TGM2: variants seen among roughly 807,000 people sequenced by gnomAD.
TGM2 encodes protein-glutamine gamma-glutamyltransferase 2.
A neutral mutation model predicts 75.6 loss-of-function variants in TGM2; 53 were observed. The ratio of observed to expected loss-of-function variants is 0.70; its 90% confidence interval spans 0.56 to 0.88. The LOEUF is 0.88. Among genes scored for constraint, TGM2 ranks in the 40% least tolerant of loss-of-function variants. TGM2 has a pLI of 0.00. For missense variants in TGM2, 842 were observed against 928.5 expected, an observed-to-expected ratio of 0.91 and a Z score of 1.21; for synonymous variants, 374 against 381.1, an observed-to-expected ratio of 0.98 and a Z score of 0.22.
At chr20:38,148,910 C>T (rs1486567691) in intron 4 of TGM2, among the ~76,000 whole-genome samples, 2 of 152,296 alleles carry the variant, frequency 1.3e-5, no homozygotes, top group South Asian at 2.1e-4. Flanking sequence ...CTGCTCTTTT[C>T]CCCCCACTTC....
intron 6 of TGM2, chr20:38,145,994 A>C (rs1225993109): frequency 6.6e-6 from 1 of 152,088 alleles, no homozygotes; most frequent in African/African-American, 2.4e-5. Context: ...GGCTGGTCTC[A>C]AACTCCCGGC....
At position 38,130,164 on chromosome 20, in the gene TGM2, G is replaced by A; in HGVS notation, c.*55C>T. 6.2e-7 allele frequency: 1 copy of A among 1,608,644 alleles called. No individual in the cohort carries two copies. On this transcript the variant is annotated 3_prime_UTR_variant, in exon 13 of 13. Coordinates refer to ENST00000361475, the MANE Select transcript of TGM2 (RefSeq NM_004613.4). Reference sequence around the variant, plus strand: ...GGGGCATATTTTGCTCACTAGCTTGGGATAAGGATTGGGATCAAGGTGGGG... The same window carrying A: ...GGGGCATATTTTGCTCACTAGCTTGAGATAAGGATTGGGATCAAGGTGGGG...
intron 2 of TGM2, 130 bp downstream of exon 2, chr20:38,161,290 G>T: frequency 7.9e-7 from 1 of 1,258,362 alleles, no homozygotes; most frequent in Non-Finnish European, 1.1e-6. Flanking sequence ...GATGACAGGT[G>T]GCAATCTCCC....
chr20:38,128,433 A>G lies in TGM2; in HGVS notation c.*1786T>C, dbSNP rs1006605645. The G allele has an allele frequency of 1.3e-5, 2 of 152,134 alleles. No individual in the cohort carries two copies. The highest frequency in any genetic ancestry group is 4.8e-5 in the African/African-American group (2 of 41,442). 9.4% of individuals were successfully genotyped at this position (152,134 alleles called of 1,614,324 possible). A position where few individuals can be genotyped will look rare whatever the true frequency, so the allele number is the denominator to read the frequency against. ...GAGCTCACCTACCCATCTCCCTCCA[A>G]ACTCATAAAGGAACAGACCAGACCT... On this transcript the variant is annotated 3_prime_UTR_variant, in exon 13 of 13. Transcript: ENST00000361475.
chr20:38,164,983 T>A (rs2075295325), intron 1 of TGM2, among the ~76,000 whole-genome samples: 1 of 152,228 alleles, frequency 6.6e-6, no homozygotes, highest in East Asian at 1.9e-4. Context: ...TTCCATTGCC[T>A]CACCTGATCC....
At chr20:38,162,323 T>G (rs942512489) in intron 1 of TGM2, among the ~76,000 whole-genome samples, 2 of 152,264 alleles carry the variant, frequency 1.3e-5, no homozygotes. Flanking sequence ...AGGGTTCTTT[T>G]GGTTTAAGCA....
At chr20:38,154,877 G>A (rs191851223) in intron 3 of TGM2, among the ~76,000 whole-genome samples, 265 of 152,252 alleles carry the variant, frequency 1.7e-3, no homozygotes, top group Non-Finnish European at 2.9e-3. Context: ...AGGCCGAGGC[G>A]GGTGGATCAC....
intron 6 of TGM2, among the ~76,000 whole-genome samples, chr20:38,144,074 A>C (rs1027722823): frequency 6.6e-6 from 1 of 152,208 alleles, no homozygotes; most frequent in Non-Finnish European, 1.5e-5. Context: ...AGTGGGCCTG[A>C]GGACAGACCG....
intron 12 of TGM2, among the ~76,000 whole-genome samples, chr20:38,130,681 G>A (rs948565797): frequency 6.6e-6 from 1 of 151,792 alleles, no homozygotes; most frequent in African/African-American, 2.4e-5. Flanking sequence ...CTGTATATAA[G>A]TTACATTACA....
chr20:38,159,968 CTG>C (rs2075234704), intron 2 of TGM2, among the ~76,000 whole-genome samples: 1 of 152,194 alleles, frequency 6.6e-6, no homozygotes, highest in African/African-American at 2.4e-5. Flanking sequence ...AAGGGGGAAA[CTG>C]AGACTGGAGG....
At chr20:38,150,145 G>A (rs189706480) in intron 4 of TGM2, among the ~76,000 whole-genome samples, 82 of 152,300 alleles carry the variant, frequency 5.4e-4, no homozygotes, top group South Asian at 2.5e-3. Context: ...ATTTGTACAG[G>A]TGGCTGGATG....
At chr20:38,163,054 C>G (rs2075272130) in intron 1 of TGM2, among the ~76,000 whole-genome samples, 1 of 152,166 alleles carries the variant, frequency 6.6e-6, no homozygotes, top group Non-Finnish European at 1.5e-5. Flanking sequence ...GTGTTGGGAA[C>G]CCCCTTCCCC....
At chr20:38,152,180 C>T (rs45441302) in intron 3 of TGM2, among the ~76,000 whole-genome samples, 3 of 151,618 alleles carry the variant, frequency 2.0e-5, no homozygotes, top group East Asian at 1.9e-4. Context: ...AACATGTTCA[C>T]GGGCCCCTAA....
chr20:38,135,997 T>C (rs2122863096), intron 10 of TGM2, among the ~76,000 whole-genome samples: 1 of 152,236 alleles, frequency 6.6e-6, no homozygotes, highest in African/African-American at 2.4e-5. Context: ...AGGTGGTGCA[T>C]TCAGAGGGCA....
chr20:38,146,736 G>C lies in TGM2; in HGVS notation c.840C>G (p.Phe280Leu). The C allele has an allele frequency of 6.2e-7, 1 of 1,613,072 alleles. No individual in the cohort carries two copies. Among genetic ancestry groups the C allele is most frequent in the Non-Finnish European group, 8.5e-7 (1 of 1,179,418 alleles). Residue 280 changes from phenylalanine (F) to leucine (L), a missense_variant, in exon 6 of 13, where the codon TTC (phenylalanine) becomes TTG (leucine). Transcript: ENST00000361475. Reference protein sequence around the residue: ...QRVKYGQCWVFAAVACTVLRC... With the variant: ...QRVKYGQCWVLAAVACTVLRC... ...GCTCACCTGTGCAGGCCACGGCGGC[G>C]AAGACCCAGCACTGGCCATACTTGA...
chr20:38,135,606 A>G (rs2074890539), intron 10 of TGM2, among the ~76,000 whole-genome samples: 1 of 151,412 alleles, frequency 6.6e-6, no homozygotes, highest in East Asian at 1.9e-4. Flanking sequence ...TGTGTCCTGA[A>G]CCCCCACACG....
At chr20:38,133,386 C>T (rs2074860265) in intron 10 of TGM2, 1 of 160,316 alleles carries the variant, frequency 6.2e-6, no homozygotes, top group Non-Finnish European at 1.4e-5. Flanking sequence ...GATCTTATCA[C>T]CTGCTGGGCA....
intron 10 of TGM2, among the ~76,000 whole-genome samples, chr20:38,134,210 G>A (rs1396481622): frequency 1.3e-5 from 2 of 152,154 alleles, no homozygotes; most frequent in African/African-American, 2.4e-5. Context: ...GGTGGTCTGC[G>A]TCCTCCTCTT....
chr20:38,142,171 G>A lies in TGM2; in HGVS notation c.888C>T (p.Arg296=), dbSNP rs140203733. 1.1e-5 allele frequency: 18 copies of A among 1,614,060 alleles called. No individual in the cohort carries two copies. The highest frequency in any genetic ancestry group is 2.7e-5 in the African/African-American group (2 of 74,904). The stretch of plus-strand genomic sequence containing the variant: ...GGGCCGAGTTGTAGTTGGTCACGAC[G>A]CGGGTAGGGATGCCCAGGCACCTCA... ...TVLRCLGIPT[R]VVTNYNSAHD... The change falls in exon 7 of 13, where the codon CGC becomes CGT. Residue 296 remains arginine, a synonymous_variant. Coordinates refer to ENST00000361475, the MANE Select transcript of TGM2 (RefSeq NM_004613.4).
Sources: gnomAD v4.1 joint callset for allele counts (sites outside exome capture counted in the v4.1 genomes callset) on GRCh38, gnomAD v4.1.1 for gene constraint, MANE v1.5 for transcripts, NCBI Gene and HGNC (gene_info 2026-07-23, HGNC 2026-07-21) for gene names.